The following SFI1 variants were observed in gnomAD, a reference collection of about 807,000 sequenced individuals.
SFI1 encodes the protein SFI1 centrin binding protein.
A neutral mutation model predicts 207.5 loss-of-function variants in SFI1; 195 were observed. That is an observed-to-expected ratio of 0.94 (90% CI 0.84 to 1.06). The LOEUF (loss-of-function observed/expected upper bound fraction) is 1.06. SFI1 is among the 50% of genes least tolerant of loss of function. The pLI is 0.00. For missense variants in SFI1, 1,634 were observed against 1,588.0 expected, an observed-to-expected ratio of 1.03 and a Z score of -0.49; for synonymous variants, 630 against 598.9, an observed-to-expected ratio of 1.05 and a Z score of -0.76.
At chr22:31,547,338 TCTCA>T (rs2060183268) in intron 5 of SFI1, among the ~76,000 whole-genome samples, 1 of 152,176 alleles carries the variant, frequency 6.6e-6, no homozygotes, top group Non-Finnish European at 1.5e-5. Context: ...TGAGACAGAG[TCTCA>T]CTCTGTTGCC....
At chr22:31,499,501 C>G (rs2053351556) in intron 1 of SFI1, among the ~76,000 whole-genome samples, 1 of 152,036 alleles carries the variant, frequency 6.6e-6, no homozygotes, top group African/African-American at 2.4e-5. Flanking sequence ...AAATCTACAC[C>G]TGGTGAAGAT....
intron 21 of SFI1, 167 bp downstream of exon 21, chr22:31,606,597 AGT>A (rs919816868): frequency 1.8e-6 from 1 of 549,212 alleles, no homozygotes. Flanking sequence ...GCACATGTTT[AGT>A]TTTTTACTGA....
chr22:31,543,966 A>T (rs2059843329), intron 4 of SFI1, among the ~76,000 whole-genome samples: 1 of 152,130 alleles, frequency 6.6e-6, no homozygotes, highest in Non-Finnish European at 1.5e-5. Context: ...AGGTCAGCAG[A>T]TTGTCTGAGC....
chr22:31,553,838 G>GTTTTTTTTTTTTTTTTT lies in SFI1; in HGVS notation c.545-3090_545-3074dup, dbSNP rs58333559. ...ATTCTATTTTTTTTTAATGGATTAT[G>GTTTTTTTTTTTTTTTTT]TTTTTTTTTTTTTTTTTTTTTTTTT... On this transcript the variant is annotated intron_variant, in intron 6 of 32. Coordinates refer to ENST00000400288, the MANE Select transcript of SFI1 (RefSeq NM_001007467.3). Among the ~76,000 whole-genome samples the GTTTTTTTTTTTTTTTTT allele has an allele frequency of 1.1e-4, 3 of 26,308 alleles. 1 individual carries two copies. Among genetic ancestry groups the GTTTTTTTTTTTTTTTTT allele is most frequent in the Non-Finnish European group, 2.2e-4 (3 of 13,778 alleles). The allele number at this position is 26,308 out of a possible 152,430, so 17.3% of individuals were successfully genotyped here. A position where few individuals can be genotyped will look rare whatever the true frequency, so the allele number is the denominator to read the frequency against.
At chr22:31,564,195 TG>T (rs1311702604) in intron 8 of SFI1, among the ~76,000 whole-genome samples, 3 of 150,838 alleles carry the variant, frequency 2.0e-5, no homozygotes, top group Non-Finnish European at 3.0e-5. Context: ...GGCGTGGTGG[TG>T]GGTGCCTGTA....
intron 20 of SFI1, 28 bp from the exon 21 acceptor site, chr22:31,606,300 T>C: frequency 1.2e-6 from 2 of 1,602,768 alleles, no homozygotes; most frequent in Non-Finnish European, 1.7e-6. Context: ...TGGTGTCATC[T>C]GCCTTCCTCG....
intron 4 of SFI1, among the ~76,000 whole-genome samples, chr22:31,539,312 C>A (rs1404253955): frequency 6.6e-6 from 1 of 152,150 alleles, no homozygotes; most frequent in Non-Finnish European, 1.5e-5. Context: ...ATCATTCTGT[C>A]AAACTTCCAG....
At chr22:31,572,241 G>A (rs546108365) in intron 8 of SFI1, among the ~76,000 whole-genome samples, 3 of 152,196 alleles carry the variant, frequency 2.0e-5, no homozygotes, top group East Asian at 1.9e-4. Flanking sequence ...GGAGAGGTGC[G>A]ACAGGCTGAA....
Position 31,561,383 on chromosome 22 carries a change from C to G in SFI1, c.756C>G (p.Leu252=). ...ASALKHRALS[L]QVQAWSQWRE... is the part of the protein sequence containing the mutation. ...CTTTGAAGCACAGGGCCCTGAGCCTCCAGGTGCAGGTGAGTCCAGCAGACG... is the reference window on the plus strand; with the variant it reads ...CTTTGAAGCACAGGGCCCTGAGCCTGCAGGTGCAGGTGAGTCCAGCAGACG... The change falls in exon 8 of 33, where the codon CTC becomes CTG. Residue 252 remains leucine, a synonymous_variant. Coordinates refer to ENST00000400288, the MANE Select transcript of SFI1 (RefSeq NM_001007467.3). 5 of 1,613,494 alleles carry G rather than the reference C, an allele frequency of 3.1e-6. No homozygotes were observed. The highest frequency in any genetic ancestry group is 4.2e-6 in the Non-Finnish European group (5 of 1,179,782).
intron 11 of SFI1, 182 bp from the exon 12 acceptor site, chr22:31,580,090 T>C: frequency 1.8e-6 from 1 of 561,742 alleles, no homozygotes; most frequent in Non-Finnish European, 3.2e-6. Context: ...CAGGCTGGCT[T>C]GTGTTAGGCT....
At chr22:31,587,194 A>C (rs1423817572) in intron 14 of SFI1, 1 of 173,604 alleles carries the variant, frequency 5.8e-6, no homozygotes, top group Non-Finnish European at 1.3e-5. Flanking sequence ...TATATAAACA[A>C]TATAGCATAA....
intron 15 of SFI1, among the ~76,000 whole-genome samples, chr22:31,599,825 G>A (rs5753722): frequency 0.99 from 150,319 of 152,012 alleles, 74,345 homozygotes; most frequent in Middle Eastern, 1. Flanking sequence ...GCAAGAACAT[G>A]AAAACAATAA....
chr22:31,617,042 A>G lies in SFI1; in HGVS notation c.3476A>G (p.Gln1159Arg). The change falls in exon 31 of 33, where the codon CAA becomes CGA. Residue 1159 changes from glutamine to arginine, a missense_variant. Physicochemically the swap from Gln to Arg is conservative, Grantham distance 43. Transcript: ENST00000400288. Reference sequence around the variant, plus strand: ...GCTGAACTTGAGGAGATCCAGCAGCAACTACTGCACTACCAGACCACCAAG... The same window carrying G: ...GCTGAACTTGAGGAGATCCAGCAGCGACTACTGCACTACCAGACCACCAAG... ...LEAELEEIQQ[Q>R]LLHYQTTKQN... 6.2e-7 allele frequency: 1 copy of G among 1,614,074 alleles called. No homozygotes were observed.
At chr22:31,600,419 C>G (rs1488056576) in intron 15 of SFI1, among the ~76,000 whole-genome samples, 1 of 152,176 alleles carries the variant, frequency 6.6e-6, no homozygotes, top group Non-Finnish European at 1.5e-5. Flanking sequence ...TGTGTCTGGT[C>G]TCTGCCCTCT....
rs1464364810 is a variant in SFI1, at chr22:31,575,230, G to C, written c.923-1G>C. ...GCACTTAAGTTATTTCTCTGTTGCA[G>C]AGATGGCTGAGCGATTCCATCATGT... On this transcript the variant is annotated splice_acceptor_variant, in intron 9 of 32. Coordinates refer to ENST00000400288, the MANE Select transcript of SFI1 (RefSeq NM_001007467.3). LOFTEE classifies it high-confidence loss of function. 3 of 1,606,902 alleles carry C rather than the reference G, an allele frequency of 1.9e-6. No individual in the cohort carries two copies. Among genetic ancestry groups the C allele is most frequent in the Non-Finnish European group, 2.5e-6 (3 of 1,176,488 alleles).
chr22:31,498,423 G>A (rs961503434), intron 1 of SFI1, among the ~76,000 whole-genome samples: 1 of 152,086 alleles, frequency 6.6e-6, no homozygotes, highest in Non-Finnish European at 1.5e-5. Flanking sequence ...GAACATTCAT[G>A]ATTTGTGGGA....
chr22:31,550,668 T>C, intron 6 of SFI1: 1 of 267,870 alleles, frequency 3.7e-6, no homozygotes, highest in Non-Finnish European at 7.2e-6. Flanking sequence ...GCCATCTATC[T>C]TGCTGCGTCA....
At position 31,586,370 on chromosome 22, in the gene SFI1, C is replaced by A. The variant is rs141200157; in HGVS notation, c.1413+1236C>A. ...TTTAGAGTACAGCCTGTCCCTTTTG[C>A]CTCCTTAGCCCACAGTGCTTGGCAT... On this transcript the variant is annotated intron_variant, in intron 14 of 32. Coordinates refer to ENST00000400288, the MANE Select transcript of SFI1 (RefSeq NM_001007467.3). Among the ~76,000 whole-genome samples, 313 of 152,284 alleles carry A rather than the reference C, an allele frequency of 2.1e-3. 6 individuals are homozygous for A. In the East Asian group the frequency reaches 0.033, roughly 16 times the overall value.
At chr22:31,584,008 C>T (rs773910235) in intron 13 of SFI1, 36 bp downstream of exon 13, 24 of 1,518,976 alleles carry the variant, frequency 1.6e-5, no homozygotes, top group Admixed American at 3.3e-5. Flanking sequence ...CTCTCAGGGA[C>T]TTTGTGCCTC....
Sources: gnomAD v4.1 joint callset for allele counts (sites outside exome capture counted in the v4.1 genomes callset) on GRCh38, gnomAD v4.1.1 for gene constraint, MANE v1.5 for transcripts, NCBI Gene and HGNC (gene_info 2026-07-23, HGNC 2026-07-21) for gene names.